Variants in ADAMTS19 observed in about 807,000 individuals in gnomAD.
The protein encoded by ADAMTS19 is ADAM metallopeptidase with thrombospondin type 1 motif 19, also known as A disintegrin and metalloproteinase with thrombospondin motifs 19.
ADAMTS19 carries 93 observed loss-of-function variants against 153.3 expected under a neutral mutation model. That is an observed-to-expected ratio of 0.61 (90% confidence interval 0.51 to 0.72). ADAMTS19 has a LOEUF of 0.72. Ranked by LOEUF, ADAMTS19 falls within the 30% of genes least tolerant of loss-of-function variation. ADAMTS19 has a pLI of 0.00. For synonymous variants in ADAMTS19, 600 were observed against 556.6 expected, an observed-to-expected ratio of 1.08 and a Z score of -1.10; for missense variants, 1,482 against 1,552.1, an observed-to-expected ratio of 0.95 and a Z score of 0.76.
intron 10 of ADAMTS19, among the ~76,000 whole-genome samples, chr5:129,637,891 C>T (rs1581172125): frequency 6.6e-6 from 1 of 152,002 alleles, no homozygotes; most frequent in African/African-American, 2.4e-5. Flanking sequence ...CACATGTTCT[C>T]ACTTACAAGT....
chr5:129,575,355 T>C (rs531729302), intron 7 of ADAMTS19, among the ~76,000 whole-genome samples: 2 of 152,142 alleles, frequency 1.3e-5, no homozygotes, highest in African/African-American at 4.8e-5. Context: ...AGGATATGAT[T>C]ATGTTATAAC....
At chr5:129,717,517 AAT>A (rs1756787571) in intron 21 of ADAMTS19, among the ~76,000 whole-genome samples, 1 of 152,248 alleles carries the variant, frequency 6.6e-6, no homozygotes, top group African/African-American at 2.4e-5. Context: ...ACTATTTGAA[AAT>A]ATGTTTTTAA....
chr5:129,672,590 G>A (rs554957941), intron 16 of ADAMTS19, among the ~76,000 whole-genome samples: 2 of 152,186 alleles, frequency 1.3e-5, no homozygotes, highest in Non-Finnish European at 2.9e-5. Flanking sequence ...TCATTGTGGT[G>A]GAGAGAGAGA....
intron 15 of ADAMTS19, among the ~76,000 whole-genome samples, chr5:129,662,026 T>C (rs964181198): frequency 2.0e-5 from 3 of 152,148 alleles, no homozygotes; most frequent in East Asian, 1.9e-4. Flanking sequence ...TTGGAAAGTG[T>C]TTTTTTCCTC....
intron 11 of ADAMTS19, among the ~76,000 whole-genome samples, chr5:129,643,004 G>A (rs1374215618): frequency 6.6e-6 from 1 of 152,106 alleles, no homozygotes; most frequent in Non-Finnish European, 1.5e-5. Context: ...TGGTCACAAT[G>A]TAGTTGTTAA....
At chr5:129,620,228 A>G (rs10213815) in intron 8 of ADAMTS19, among the ~76,000 whole-genome samples, 13,103 of 152,046 alleles carry the variant, frequency 0.086, 640 homozygotes, top group African/African-American at 0.1. Flanking sequence ...TTGTTTTCAA[A>G]TCAAATTTTG....
chr5:129,631,069 A>G (rs1752263101), intron 10 of ADAMTS19, among the ~76,000 whole-genome samples: 1 of 151,950 alleles, frequency 6.6e-6, no homozygotes. Context: ...TAAAGAATTG[A>G]AAAAACTAAA....
intron 3 of ADAMTS19, among the ~76,000 whole-genome samples, chr5:129,510,259 A>G (rs1751395616): frequency 6.6e-6 from 1 of 151,858 alleles, no homozygotes; most frequent in Non-Finnish European, 1.5e-5. Context: ...AGACCAGAGG[A>G]TGTCTATATC....
chr5:129,636,043 C>T lies in ADAMTS19; in HGVS notation c.1771-5816C>T, dbSNP rs115667684. 5.4e-3 allele frequency among the ~76,000 whole-genome samples: 826 copies of T among 152,140 alleles called. 6 individuals carry two copies. The highest frequency in any genetic ancestry group is 0.019 in the African/African-American group (768 of 41,502). Reference sequence around the variant, plus strand: ...TCCTGAGTAGGTGGAATTATAGGTGCCTGCCACCACGTCTGGTTAATTTTT... The same window carrying T: ...TCCTGAGTAGGTGGAATTATAGGTGTCTGCCACCACGTCTGGTTAATTTTT... On this transcript the variant is annotated intron_variant, in intron 10 of 22. Coordinates refer to ENST00000274487, the MANE Select transcript of ADAMTS19 (RefSeq NM_133638.6).
intron 6 of ADAMTS19, among the ~76,000 whole-genome samples, chr5:129,545,596 A>T (rs1358313499): frequency 6.6e-6 from 1 of 152,114 alleles, no homozygotes; most frequent in Non-Finnish European, 1.5e-5. Context: ...GACACTTCTC[A>T]AAAGAAGACA....
intron 6 of ADAMTS19, among the ~76,000 whole-genome samples, chr5:129,531,252 G>A (rs1198273838): frequency 6.6e-6 from 1 of 152,108 alleles, no homozygotes; most frequent in Non-Finnish European, 1.5e-5. Flanking sequence ...GGCATGTTTT[G>A]TAGAAATTGA....
intron 2 of ADAMTS19, among the ~76,000 whole-genome samples, chr5:129,502,355 C>T (rs145564288): frequency 8.0e-4 from 122 of 152,152 alleles, no homozygotes; most frequent in Non-Finnish European, 1.5e-3. Flanking sequence ...GCAAAGATAG[C>T]GTGATGTGTC....
chr5:129,621,845 T>C (rs1234775901), intron 9 of ADAMTS19, among the ~76,000 whole-genome samples: 1 of 152,192 alleles, frequency 6.6e-6, no homozygotes, highest in Non-Finnish European at 1.5e-5. Context: ...ATAGCTGATA[T>C]CTTATATTCA....
chr5:129,626,972 G>A (rs1277437907), intron 10 of ADAMTS19, among the ~76,000 whole-genome samples: 2 of 152,058 alleles, frequency 1.3e-5, no homozygotes, highest in African/African-American at 4.8e-5. Flanking sequence ...TCTGAAGAAA[G>A]TGGGAGAACA....
chr5:129,463,091 A>T (rs553887166), intron 2 of ADAMTS19, among the ~76,000 whole-genome samples: 11 of 152,364 alleles, frequency 7.2e-5, no homozygotes, highest in Admixed American at 2.0e-4. Context: ...AGCTTTTATT[A>T]AAAGGTTTTA....
chr5:129,553,605 A>G (rs1753210690), intron 7 of ADAMTS19, among the ~76,000 whole-genome samples: 1 of 152,022 alleles, frequency 6.6e-6, no homozygotes, highest in African/African-American at 2.4e-5. Context: ...CCCTTCCTGA[A>G]TTCTCTCTGT....
At chr5:129,497,526 TAA>T (rs1310395799) in intron 2 of ADAMTS19, among the ~76,000 whole-genome samples, 1 of 152,142 alleles carries the variant, frequency 6.6e-6, no homozygotes, top group African/African-American at 2.4e-5. Context: ...TCAGAGCTGA[TAA>T]GTGCTCATCA....
At chr5:129,553,238 C>T (rs1460344462) in intron 7 of ADAMTS19, among the ~76,000 whole-genome samples, 1 of 152,092 alleles carries the variant, frequency 6.6e-6, no homozygotes. Context: ...TGTGAGAAAT[C>T]AGCAACTCAG....
intron 7 of ADAMTS19, among the ~76,000 whole-genome samples, chr5:129,578,509 A>T (rs931939617): frequency 2.6e-5 from 4 of 151,874 alleles, no homozygotes; most frequent in Non-Finnish European, 4.4e-5. Flanking sequence ...TGCAGGTTAC[A>T]TAGGTATACA....
Sources: allele counts gnomAD v4.1 joint callset (sites outside exome capture counted in the v4.1 genomes callset), GRCh38; gene constraint gnomAD v4.1.1; transcripts MANE v1.5; gene names NCBI Gene and HGNC (gene_info 2026-07-23, HGNC 2026-07-21).